The following BRD4 variants were observed in gnomAD, a reference collection of about 807,000 sequenced individuals.
BRD4 encodes bromodomain-containing protein 4.
BRD4 carries 16 observed loss-of-function variants against 142.1 expected under a neutral mutation model. That is an observed-to-expected ratio of 0.11 (90% CI 0.08 to 0.17). The LOEUF (loss-of-function observed/expected upper bound fraction) is 0.17, where lower values mean the gene tolerates loss of function less well. Ranked by LOEUF, BRD4 falls within the 10% of genes least tolerant of loss-of-function variation. The pLI is 1.00. For synonymous variants in BRD4, 833 were observed against 707.5 expected, an observed-to-expected ratio of 1.18 and a Z score of -2.82; for missense variants, 1,424 against 1,810.9, an observed-to-expected ratio of 0.79 and a Z score of 3.88.
At chr19:15,264,303 CA>C in intron 6 of BRD4, 100 bp downstream of exon 6, 1 of 1,466,134 alleles carries the variant, frequency 6.8e-7, no homozygotes, top group Admixed American at 2.3e-5. Flanking sequence ...GCCACCGTTC[CA>C]GGGCCTGGGC....
chr19:15,243,434 C>T lies in BRD4; in HGVS notation c.2635G>A (p.Ala879Thr), dbSNP rs2145512261. Reference sequence around the variant, plus strand: ...GGCCGGGCGGGCTTGGGAGGCAGGGCAGCGGCTCGGTTGCTGGGCCGTGAT... The same window carrying T: ...GGCCGGGCGGGCTTGGGAGGCAGGGTAGCGGCTCGGTTGCTGGGCCGTGAT... ...QPSRPSNRAAALPPKPARPPA... is the reference protein window; with the variant it reads ...QPSRPSNRAATLPPKPARPPA... Residue 879 changes from alanine to threonine, a missense_variant, in exon 14 of 20, where the codon GCC (alanine) becomes ACC (threonine). Ala to Thr is a moderately conservative substitution (Grantham distance 58). This residue lies in a region of BRD4 where 598 missense variants were observed against 647.8 expected (regional missense o/e 0.92). Transcript: ENST00000679869. 1 of 1,574,008 alleles carries T rather than the reference C, an allele frequency of 6.4e-7. No homozygotes were observed.
In BRD4 at chr19:15,238,922, G is replaced by A. The variant is rs754054879; in HGVS notation, c.3841C>T (p.Arg1281Trp). The change falls in exon 19 of 20, where the codon CGG becomes TGG. Residue 1281 changes from arginine to tryptophan, a missense_variant. Coordinates refer to ENST00000679869, the MANE Select transcript of BRD4 (RefSeq NM_001379291.1). This position sits in a 1 kb window ranked among gnomAD's most constrained non-coding sequence, Gnocchi z 7.2. ...TGCTGCTGCTGCTGCTCCTGGCGCC[G>A]ACGTGCCTCCTCATGGGCCCGCCGG... ...QARRAHEEAR[R>W]RQEQQQQQRQ... 2.1e-5 allele frequency: 34 copies of A among 1,597,680 alleles called. No homozygotes were observed. The highest frequency in any genetic ancestry group is 2.8e-5 in the Non-Finnish European group (33 of 1,174,188).
chr19:15,260,959 T>G (rs1194936414), intron 7 of BRD4, among the ~76,000 whole-genome samples: 1 of 152,224 alleles, frequency 6.6e-6, no homozygotes, highest in Non-Finnish European at 1.5e-5. Flanking sequence ...CTTTTCTTTC[T>G]CTTAGTAAAG....
intron 1 of BRD4, among the ~76,000 whole-genome samples, chr19:15,279,036 T>G (rs111411071): frequency 8.5e-4 from 129 of 152,292 alleles, no homozygotes; most frequent in African/African-American, 3.0e-3. Flanking sequence ...AGATGGGGTT[T>G]CTCCATGTTG....
intron 7 of BRD4, among the ~76,000 whole-genome samples, chr19:15,260,497 C>T (rs1303516903): frequency 6.6e-6 from 1 of 152,216 alleles, no homozygotes. Context: ...CTGGAACCCT[C>T]CACCATCAAC....
At chr19:15,328,749 C>T (rs2048131421) in intron 1 of BRD4, among the ~76,000 whole-genome samples, 1 of 152,154 alleles carries the variant, frequency 6.6e-6, no homozygotes, top group Non-Finnish European at 1.5e-5. Flanking sequence ...AAACAAAACC[C>T]TGCCCTCATC....
At chr19:15,288,118 T>C (rs1056587047) in intron 1 of BRD4, among the ~76,000 whole-genome samples, 15 of 152,350 alleles carry the variant, frequency 9.8e-5, no homozygotes, top group African/African-American at 3.6e-4. Flanking sequence ...TTTGCCTATC[T>C]ATCCATCCAT....
intron 11 of BRD4, chr19:15,246,580 C>G (rs1409359786): frequency 2.6e-5 from 4 of 152,150 alleles, no homozygotes; most frequent in Non-Finnish European, 4.4e-5. Flanking sequence ...TGGGGCTCGC[C>G]TGTTGTCTCG....
In BRD4 at chr19:15,236,460, G is replaced by C. The variant is rs2047192658; in HGVS notation, c.*1917C>G. On this transcript the variant is annotated 3_prime_UTR_variant, in exon 20 of 20. Transcript: ENST00000679869. ...TAAATGAAAGGAGGAGTTAGGTTGA[G>C]GCAGGCAAGGTGGGAGAAGTGGCCC... 1 of 151,648 alleles carries C rather than the reference G, an allele frequency of 6.6e-6. No individual in the cohort carries two copies. Among genetic ancestry groups the C allele is most frequent in the Non-Finnish European group, 1.5e-5 (1 of 67,996 alleles). 9.4% of individuals were successfully genotyped at this position (151,648 alleles called of 1,614,324 possible).
rs188434680 is a variant in BRD4, at chr19:15,330,906, C to T, written c.-35+1384G>A. 2.8e-4 allele frequency among the ~76,000 whole-genome samples: 42 copies of T among 152,290 alleles called. 1 individual carries two copies. The Middle Eastern group carries it at 0.017, about 62-fold the overall frequency. ...AAAGACGGTAGGGAACTTGACAGCT[C>T]CATTCACAAAAAACTCCCGACCATT... On this transcript the variant is annotated intron_variant, in intron 1 of 19. Coordinates refer to ENST00000679869, the MANE Select transcript of BRD4 (RefSeq NM_001379291.1).
rs1442261328 is a variant in BRD4, at chr19:15,242,921, T to C, written c.3148A>G (p.Lys1050Glu). Reference protein sequence around the residue: ...IQHHHSPRHHKSDPYSTGHLR... With the variant: ...IQHHHSPRHHESDPYSTGHLR... ...TTACCGGTTGAGTAGGGGTCCGACT[T>C]GTGGTGCCGGGGTGAATGGTGGTGC... Residue 1050 changes from lysine to glutamate, a missense_variant, in exon 14 of 20, where the codon AAG becomes GAG. Coordinates refer to ENST00000679869, the MANE Select transcript of BRD4 (RefSeq NM_001379291.1). 3 of 1,600,892 alleles carry C rather than the reference T, an allele frequency of 1.9e-6. No homozygotes were observed. The highest frequency in any genetic ancestry group is 2.6e-6 in the Non-Finnish European group (3 of 1,175,344).
chr19:15,269,930 A>G (rs924094159), intron 2 of BRD4, among the ~76,000 whole-genome samples: 2 of 152,260 alleles, frequency 1.3e-5, no homozygotes, highest in Non-Finnish European at 2.9e-5. Context: ...GGACAGATCA[A>G]GCAGTGCCTG....
intron 11 of BRD4, chr19:15,247,661 T>C (rs1212951687): frequency 8.6e-6 from 2 of 232,878 alleles, no homozygotes; most frequent in Non-Finnish European, 1.7e-5. Flanking sequence ...AGAAAGACAA[T>C]GCCAGCAGCT....
At chr19:15,321,697 T>A (rs1009295223) in intron 1 of BRD4, among the ~76,000 whole-genome samples, 1 of 152,144 alleles carries the variant, frequency 6.6e-6, no homozygotes, top group African/African-American at 2.4e-5. Flanking sequence ...GAGAAAGACA[T>A]AAGTAATACA....
At chr19:15,307,835 C>G (rs1599511495) in intron 1 of BRD4, among the ~76,000 whole-genome samples, 2 of 152,236 alleles carry the variant, frequency 1.3e-5, no homozygotes, top group Non-Finnish European at 2.9e-5. Context: ...CCCAGGTCGG[C>G]CAGATGTGGT....
intron 11 of BRD4, chr19:15,248,195 G>C: frequency 4.5e-6 from 1 of 220,994 alleles, no homozygotes; most frequent in Non-Finnish European, 9.1e-6. Context: ...CCAAAAAAGG[G>C]CTGGTATTTA....
rs986359000 is a variant in BRD4, at chr19:15,306,081, T to C, written c.-35+26209A>G. Among the ~76,000 whole-genome samples, 8 of 152,340 alleles carry C rather than the reference T, an allele frequency of 5.3e-5. No homozygotes were observed. The South Asian group carries it at 1.0e-3, about 20-fold the overall frequency. On this transcript the variant is annotated intron_variant, in intron 1 of 19. Transcript: ENST00000679869. ...GATTAGGCTTTGGCTTAAGGGAATA[T>C]TGCAGCTGACCTGATCTATCCAGAC...
chr19:15,248,578 C>T (rs1468561723), intron 11 of BRD4: 1 of 225,774 alleles, frequency 4.4e-6, no homozygotes, highest in Non-Finnish European at 8.8e-6. Context: ...GGGAAATGCC[C>T]ACCAGGCAAC....
chr19:15,257,471 A>G (rs1008104706), intron 7 of BRD4, among the ~76,000 whole-genome samples: 1 of 152,206 alleles, frequency 6.6e-6, no homozygotes, highest in Non-Finnish European at 1.5e-5. Context: ...CAGGCCACTA[A>G]GACAGCCAGC....
Sources: gnomAD v4.1 joint callset for allele counts (sites outside exome capture counted in the v4.1 genomes callset) on GRCh38, gnomAD v4.1.1 for gene constraint, gnomAD v4.1.1 regional missense constraint, Gnocchi (gnomAD v3.1) non-coding constraint, MANE v1.5 for transcripts, NCBI Gene and HGNC (gene_info 2026-07-23, HGNC 2026-07-21) for gene names.